APELA: variants seen among roughly 807,000 people sequenced by gnomAD.
APELA encodes apelin receptor early endogenous ligand.
chr4:164,885,201 G>T lies in APELA; in HGVS notation c.*1+6192G>T, dbSNP rs564950561. Among the ~76,000 whole-genome samples, 8 of 152,216 alleles carry T rather than the reference G, an allele frequency of 5.3e-5. No individual in the cohort carries two copies. In the South Asian group the frequency reaches 1.7e-3, roughly 32 times the overall value. On this transcript the variant is annotated intron_variant, in intron 2 of 2. Transcript: ENST00000507152. ...GCTGGAGTGCAGTGGTGTGATCTCAGCTCACTGCAGCCTCCGCCTTTTGGG... is the reference window on the plus strand; with the variant it reads ...GCTGGAGTGCAGTGGTGTGATCTCATCTCACTGCAGCCTCCGCCTTTTGGG...
chr4:164,884,156 A>AAAGG (rs1730722375), intron 2 of APELA, among the ~76,000 whole-genome samples: 2 of 149,290 alleles, frequency 1.3e-5, no homozygotes, highest in African/African-American at 2.6e-5. Flanking sequence ...AGAAAGAAAG[A>AAAGG]AAGGAGAAGA....
Position 164,887,616 on chromosome 4 carries a change from A to AT in APELA, c.*2-7788dup, listed in dbSNP as rs59819450. 9.7e-3 allele frequency among the ~76,000 whole-genome samples: 1,439 copies of AT among 148,068 alleles called. 11 individuals carry two copies. The highest frequency in any genetic ancestry group is 0.013 in the Non-Finnish European group (896 of 66,710). ...ATTAGAATTATCCTTATCTTACTAAATTTTTTTTTTTTGAGATGGAGTTTC... is the reference window on the plus strand; with the variant it reads ...ATTAGAATTATCCTTATCTTACTAAATTTTTTTTTTTTTGAGATGGAGTTTC... On this transcript the variant is annotated intron_variant, in intron 2 of 2. Transcript: ENST00000507152.
intron 2 of APELA, among the ~76,000 whole-genome samples, chr4:164,891,136 C>T (rs1045122999): frequency 6.6e-6 from 1 of 151,990 alleles, no homozygotes; most frequent in Non-Finnish European, 1.5e-5. Flanking sequence ...GAATACAGGG[C>T]CCTTATCTGA....
chr4:164,896,401 GT>G lies in APELA; in HGVS notation c.*989del, dbSNP rs1730977350. 1 of 152,074 alleles carries G rather than the reference GT, an allele frequency of 6.6e-6. No homozygotes were observed. The highest frequency in any genetic ancestry group is 2.4e-5 in the African/African-American group (1 of 41,412). The allele number at this position is 152,074 out of a possible 1,614,324, so 9.4% of individuals were successfully genotyped here. ...AACGTTTGATTTCCTTTGAAGTTTT[GT>G]TATGTCCTTTATTATTTTGTATGGA... On this transcript the variant is annotated 3_prime_UTR_variant, in exon 3 of 3. Coordinates refer to ENST00000507152, the MANE Select transcript of APELA (RefSeq NM_001297550.2).
intron 2 of APELA, among the ~76,000 whole-genome samples, chr4:164,890,641 C>T (rs960618365): frequency 5.3e-5 from 8 of 152,138 alleles, no homozygotes; most frequent in Non-Finnish European, 1.0e-4. Flanking sequence ...TGTCCAGTCA[C>T]CTATTGATGA....
chr4:164,894,841 T>C (rs796464279), intron 2 of APELA, among the ~76,000 whole-genome samples: 6 of 152,362 alleles, frequency 3.9e-5, no homozygotes, highest in African/African-American at 1.4e-4. Context: ...CATTTTTATG[T>C]TCAAATTTAG....
chr4:164,887,076 C>T (rs1272282541), intron 2 of APELA, among the ~76,000 whole-genome samples: 2 of 152,130 alleles, frequency 1.3e-5, no homozygotes, highest in Admixed American at 6.5e-5. Context: ...GATCTTCCCA[C>T]CTCAGCCTCA....
chr4:164,887,616 ATT>A (rs59819450), intron 2 of APELA, among the ~76,000 whole-genome samples: 2 of 148,106 alleles, frequency 1.4e-5, no homozygotes, highest in Admixed American at 6.8e-5. Flanking sequence ...ATCTTACTAA[ATT>A]TTTTTTTTTT....
intron 2 of APELA, among the ~76,000 whole-genome samples, chr4:164,884,123 G>C (rs1292862646): frequency 5.9e-5 from 7 of 118,538 alleles, no homozygotes; most frequent in African/African-American, 2.3e-4. Flanking sequence ...GAAAGAAAGA[G>C]AAAGAAAGAA....
chr4:164,887,585 A>G (rs981228977), intron 2 of APELA, among the ~76,000 whole-genome samples: 3 of 151,762 alleles, frequency 2.0e-5, no homozygotes, highest in Admixed American at 2.0e-4. Context: ...ATCTGCTTAC[A>G]TCTCCATTAG....
chr4:164,886,187 T>C (rs1730766844), intron 2 of APELA, among the ~76,000 whole-genome samples: 1 of 134,628 alleles, frequency 7.4e-6, no homozygotes, highest in Non-Finnish European at 1.6e-5. Flanking sequence ...GCCTTAAATA[T>C]GGGGCATTCC....
rs537155720 is a variant in APELA at position 164,891,131 on chromosome 4, C to G, written c.*2-4285C>G. 2.0e-5 allele frequency among the ~76,000 whole-genome samples: 3 copies of G among 152,220 alleles called. No individual in the cohort carries two copies. In the East Asian group the frequency reaches 5.8e-4, roughly 29 times the overall value. On this transcript the variant is annotated intron_variant, in intron 2 of 2. Transcript: ENST00000507152. ...TATGTGTGTGTATATATTCTGAATACAGGGCCCTTATCTGAAATATGATGT... is the reference window on the plus strand; with the variant it reads ...TATGTGTGTGTATATATTCTGAATAGAGGGCCCTTATCTGAAATATGATGT...
intron 2 of APELA, among the ~76,000 whole-genome samples, chr4:164,879,479 C>G (rs991122753): frequency 6.6e-6 from 1 of 152,120 alleles, no homozygotes; most frequent in Admixed American, 6.6e-5. Context: ...GGGTCTTGCT[C>G]TGTCACCCAG....
chr4:164,881,116 A>T (rs922108586), intron 2 of APELA, among the ~76,000 whole-genome samples: 2 of 152,234 alleles, frequency 1.3e-5, no homozygotes, highest in Non-Finnish European at 2.9e-5. Context: ...ATCTGATAAC[A>T]TAATTCTCAC....
At chr4:164,884,122 A>AAT (rs1553971116) in intron 2 of APELA, among the ~76,000 whole-genome samples, 17 of 1,524 alleles carry the variant, frequency 0.011, no homozygotes, top group Admixed American at 0.058. Context: ...AGAAAGAAAG[A>AAT]GAAAGAAAGA....
intron 2 of APELA, among the ~76,000 whole-genome samples, chr4:164,882,793 G>A (rs1021289240): frequency 1.9e-4 from 29 of 151,572 alleles, no homozygotes; most frequent in African/African-American, 6.8e-4. Context: ...TCCCCTTCCT[G>A]TGTCCATGGG....
intron 2 of APELA, among the ~76,000 whole-genome samples, chr4:164,891,318 C>A (rs898845142): frequency 6.6e-6 from 1 of 152,136 alleles, no homozygotes; most frequent in Non-Finnish European, 1.5e-5. Context: ...CAAAGATTTA[C>A]ATCTACTTTG....
At chr4:164,892,230 C>T (rs1193809523) in intron 2 of APELA, among the ~76,000 whole-genome samples, 1 of 152,018 alleles carries the variant, frequency 6.6e-6, no homozygotes, top group Non-Finnish European at 1.5e-5. Flanking sequence ...GTGAAAGAAT[C>T]GCCTGATCCC....
At chr4:164,888,205 TAAC>T (rs372873331) in intron 2 of APELA, among the ~76,000 whole-genome samples, 75 of 152,286 alleles carry the variant, frequency 4.9e-4, no homozygotes, top group African/African-American at 1.5e-3. Flanking sequence ...AAAAAGAAGA[TAAC>T]CACTCAAATG....
Sources: allele counts gnomAD v4.1 joint callset (sites outside exome capture counted in the v4.1 genomes callset), GRCh38; gene constraint gnomAD v4.1.1; transcripts MANE v1.5; gene names NCBI Gene and HGNC (gene_info 2026-07-23, HGNC 2026-07-21).